EDIL3: variants seen among roughly 807,000 people sequenced by gnomAD.
The protein encoded by EDIL3 is EGF like and discoidin domains 3.
EDIL3 carries 37 observed loss-of-function variants against 67.4 expected under a neutral mutation model. That is an observed-to-expected ratio of 0.55 (90% CI 0.42 to 0.72). The LOEUF is 0.72. EDIL3 is among the 30% of genes least tolerant of loss of function. The pLI is 0.00. For missense variants in EDIL3, 527 were observed against 586.3 expected (o/e 0.90, Z 1.04); for synonymous variants, 195 against 196.3 (o/e 0.99, Z 0.05).
intron 9 of EDIL3, among the ~76,000 whole-genome samples, chr5:84,029,791 T>C (rs1027986879): frequency 6.6e-6 from 1 of 152,142 alleles, no homozygotes; most frequent in Non-Finnish European, 1.5e-5. Flanking sequence ...TCAAAATGAT[T>C]AGAACATTTA....
At chr5:84,242,246 T>A (rs1035117457) in intron 2 of EDIL3, among the ~76,000 whole-genome samples, 21 of 150,556 alleles carry the variant, frequency 1.4e-4, no homozygotes, top group African/African-American at 3.4e-4. Context: ...AAAAAAAAAA[T>A]TTACACAAAA....
intron 10 of EDIL3, among the ~76,000 whole-genome samples, chr5:83,955,215 AT>A (rs1274380110): frequency 6.6e-6 from 1 of 151,760 alleles, no homozygotes; most frequent in Non-Finnish European, 1.5e-5. Context: ...GTTTTTAGTG[AT>A]TTCTGATGAG....
chr5:84,239,015 T>A (rs997211588), intron 2 of EDIL3, among the ~76,000 whole-genome samples: 1 of 152,100 alleles, frequency 6.6e-6, no homozygotes, highest in Non-Finnish European at 1.5e-5. Flanking sequence ...AATCTATATA[T>A]CTTTCAAAAT....
chr5:84,333,631 A>G (rs1190447540), intron 1 of EDIL3, among the ~76,000 whole-genome samples: 2 of 152,172 alleles, frequency 1.3e-5, no homozygotes, highest in Non-Finnish European at 2.9e-5. Context: ...GGAAGCATAC[A>G]CTTTTCATTA....
At chr5:84,301,076 C>A (rs759787673) in intron 1 of EDIL3, among the ~76,000 whole-genome samples, 129 of 152,184 alleles carry the variant, frequency 8.5e-4, no homozygotes, top group Admixed American at 1.3e-3. Context: ...TCAAGACCAG[C>A]CTGACCAATA....
rs958711590 is a variant in EDIL3, at chr5:83,941,522, T to C, written c.*1897A>G. The C allele has an allele frequency of 2.6e-5, 4 of 152,012 alleles. No individual in the cohort carries two copies. The highest frequency in any genetic ancestry group is 5.9e-5 in the Non-Finnish European group (4 of 67,918). 9.4% of individuals were successfully genotyped at this position (152,012 alleles called of 1,614,324 possible). On this transcript the variant is annotated 3_prime_UTR_variant, in exon 11 of 11. Transcript: ENST00000296591. ...TAGATATCTGATGGGACAGTAAACC[T>C]TGAAAGAAACTGGCTAAAGAGTAAG... is the stretch of plus-strand genomic sequence containing the variant.
intron 1 of EDIL3, among the ~76,000 whole-genome samples, chr5:84,343,916 C>A (rs996785751): frequency 6.6e-6 from 1 of 152,060 alleles, no homozygotes; most frequent in African/African-American, 2.4e-5. Context: ...AACTCCAAGG[C>A]TCAGGTAGTT....
Position 84,074,367 on chromosome 5 carries a change from G to C in EDIL3, c.652-7761C>G, listed in dbSNP as rs554709908. Among the ~76,000 whole-genome samples, 13 of 152,162 alleles carry C rather than the reference G, an allele frequency of 8.5e-5. No homozygotes were observed. The South Asian group carries it at 2.3e-3, about 27-fold the overall frequency. On this transcript the variant is annotated intron_variant, in intron 6 of 10. Transcript: ENST00000296591. ...ACAAATGGGATCTAATAAAACTAAA[G>C]AGCTTCTGCACAGCAAAAGAAACTA... is the stretch of plus-strand genomic sequence containing the variant.
rs856440 is a variant in EDIL3, at chr5:84,132,495, A to G, written c.469+4746T>C. ...TAATATATATTTTAATATATATTAT[A>G]TATTTTATATATAATATATATTTTA... On this transcript the variant is annotated intron_variant, in intron 5 of 10. Transcript: ENST00000296591. 2.1e-3 allele frequency among the ~76,000 whole-genome samples: 224 copies of G among 108,104 alleles called. 12 individuals are homozygous for G. Among genetic ancestry groups the G allele is most frequent in the African/African-American group, 7.7e-3 (188 of 24,540 alleles). The allele number at this position is 108,104 out of a possible 152,430, so 70.9% of individuals were successfully genotyped here.
At chr5:84,238,667 T>TTTTTTTG (rs1217073300) in intron 2 of EDIL3, among the ~76,000 whole-genome samples, 5 of 90,210 alleles carry the variant, frequency 5.5e-5, no homozygotes, top group Non-Finnish European at 1.3e-4. Flanking sequence ...AATTAAATGT[T>TTTTTTTG]TTTTTTTTTT....
chr5:84,076,667 T>C (rs954393340), intron 6 of EDIL3, among the ~76,000 whole-genome samples: 2 of 152,230 alleles, frequency 1.3e-5, no homozygotes, highest in Admixed American at 1.3e-4. Context: ...CTCACATTGA[T>C]AGTTACAAGT....
intron 3 of EDIL3, among the ~76,000 whole-genome samples, chr5:84,225,356 C>T (rs955686939): frequency 1.3e-5 from 2 of 151,532 alleles, no homozygotes; most frequent in Admixed American, 1.3e-4. Flanking sequence ...AATGTGGGTA[C>T]GTATGAAGAA....
chr5:84,276,928 G>C (rs752348771), intron 1 of EDIL3, among the ~76,000 whole-genome samples: 15 of 151,924 alleles, frequency 9.9e-5, no homozygotes, highest in African/African-American at 1.5e-4. Flanking sequence ...GTTATATATA[G>C]CACACTCAAA....
chr5:84,349,606 A>G (rs900671522), intron 1 of EDIL3, among the ~76,000 whole-genome samples: 25 of 152,162 alleles, frequency 1.6e-4, no homozygotes, highest in African/African-American at 7.2e-5. Context: ...TTCTGTTCAC[A>G]TATCTCCAGT....
chr5:84,149,028 T>C (rs1041918526), intron 4 of EDIL3, among the ~76,000 whole-genome samples: 3 of 137,654 alleles, frequency 2.2e-5, no homozygotes, highest in Non-Finnish European at 4.6e-5. Context: ...GTGTTGAACA[T>C]ACTGAACATT....
chr5:84,217,750 A>ACACACACACC, intron 3 of EDIL3, among the ~76,000 whole-genome samples: 1 of 151,240 alleles, frequency 6.6e-6, no homozygotes, highest in Non-Finnish European at 1.5e-5. Flanking sequence ...ACACACACAC[A>ACACACACACC]CACACACACA....
intron 3 of EDIL3, among the ~76,000 whole-genome samples, chr5:84,196,341 C>G (rs1299984762): frequency 3.3e-5 from 5 of 152,094 alleles, no homozygotes; most frequent in African/African-American, 9.6e-5. Context: ...CTCTACTAAA[C>G]CTTTGCTCAA....
At chr5:84,217,140 CAAAA>C (rs33931531) in intron 3 of EDIL3, among the ~76,000 whole-genome samples, 33 of 136,136 alleles carry the variant, frequency 2.4e-4, no homozygotes, top group South Asian at 1.9e-3. Flanking sequence ...CAAGGACAGC[CAAAA>C]AAAAAAAAAA....
At chr5:84,276,679 C>T (rs1009582804) in intron 1 of EDIL3, among the ~76,000 whole-genome samples, 1 of 152,098 alleles carries the variant, frequency 6.6e-6, no homozygotes, top group African/African-American at 2.4e-5. Flanking sequence ...AGCAATTCTC[C>T]TGCCTCAGAC....
Sources: allele counts gnomAD v4.1 joint callset (sites outside exome capture counted in the v4.1 genomes callset), GRCh38; gene constraint gnomAD v4.1.1; transcripts MANE v1.5; gene names NCBI Gene and HGNC (gene_info 2026-07-23, HGNC 2026-07-21).